Variants in AP3S1 observed in about 807,000 individuals in gnomAD.
The protein encoded by AP3S1 is adaptor related protein complex 3 subunit sigma 1.
Under a neutral mutation model 21.3 loss-of-function variants are expected in AP3S1, and 12 were observed. The observed-to-expected ratio is 0.56, with a 90% CI of 0.36 to 0.91. The LOEUF (loss-of-function observed/expected upper bound fraction) is 0.91, where lower values mean the gene tolerates loss of function less well. Ranked by LOEUF, AP3S1 falls within the 40% of genes least tolerant of loss-of-function variation. The pLI, the probability that AP3S1 is intolerant of heterozygous loss-of-function variation, is 0.01. For missense variants in AP3S1, 116 were observed against 225.0 expected, an observed-to-expected ratio of 0.52 and a Z score of 3.10; for synonymous variants, 48 against 78.4, an observed-to-expected ratio of 0.61 and a Z score of 2.05.
chr5:115,864,353 C>G (rs3984985), intron 1 of AP3S1, among the ~76,000 whole-genome samples: 4,575 of 152,256 alleles, frequency 0.03, 251 homozygotes, highest in African/African-American at 0.1. Flanking sequence ...TCCCAGAACC[C>G]CATGAGTTCA....
intron 3 of AP3S1, among the ~76,000 whole-genome samples, chr5:115,886,750 T>C (rs1038682374): frequency 1.3e-5 from 2 of 152,192 alleles, no homozygotes; most frequent in African/African-American, 2.4e-5. Context: ...CTAGCTGTTA[T>C]TATAATTAAC....
At chr5:115,874,646 A>AT (rs1415989264) in intron 3 of AP3S1, among the ~76,000 whole-genome samples, 6 of 152,282 alleles carry the variant, frequency 3.9e-5, no homozygotes, top group South Asian at 2.1e-4. Flanking sequence ...GGAGCTCCAT[A>AT]TATAATATTT....
At chr5:115,904,858 G>A (rs1346283600) in intron 5 of AP3S1, among the ~76,000 whole-genome samples, 1 of 152,136 alleles carries the variant, frequency 6.6e-6, no homozygotes, top group Non-Finnish European at 1.5e-5. Context: ...AAACAGTGAT[G>A]CAATCCTTTA....
chr5:115,887,031 A>G (rs1473791411), intron 3 of AP3S1, among the ~76,000 whole-genome samples: 2 of 152,322 alleles, frequency 1.3e-5, no homozygotes, highest in Non-Finnish European at 2.9e-5. Flanking sequence ...TGCTATTTAC[A>G]TATCTTAAAC....
At chr5:115,882,579 C>G (rs372479495) in intron 3 of AP3S1, among the ~76,000 whole-genome samples, 212 of 152,304 alleles carry the variant, frequency 1.4e-3, no homozygotes, top group African/African-American at 4.7e-3. Flanking sequence ...GAAGGTTCGT[C>G]CCAGAGGGGC....
chr5:115,857,732 C>T (rs552910459), intron 1 of AP3S1, among the ~76,000 whole-genome samples: 1 of 152,284 alleles, frequency 6.6e-6, no homozygotes, highest in South Asian at 2.1e-4. Context: ...ATTTATTCTG[C>T]TATTAAAAAT....
chr5:115,898,851 T>G (rs1305555258), intron 4 of AP3S1: 2 of 152,298 alleles, frequency 1.3e-5, no homozygotes, highest in Non-Finnish European at 2.9e-5. Context: ...GTTTCTTACT[T>G]ACACTATATG....
At chr5:115,855,628 C>G (rs558271646) in intron 1 of AP3S1, among the ~76,000 whole-genome samples, 1 of 152,222 alleles carries the variant, frequency 6.6e-6, no homozygotes, top group Non-Finnish European at 1.5e-5. Context: ...GCTTGAGCCA[C>G]TGCACCCAGT....
intron 1 of AP3S1, among the ~76,000 whole-genome samples, chr5:115,848,609 T>C (rs1762228002): frequency 6.6e-6 from 1 of 152,242 alleles, no homozygotes; most frequent in Admixed American, 6.5e-5. Context: ...AATTTTTGTT[T>C]GAAAGTCAAG....
intron 3 of AP3S1, among the ~76,000 whole-genome samples, chr5:115,886,567 C>G (rs1246173193): frequency 1.3e-5 from 2 of 152,068 alleles, no homozygotes; most frequent in Non-Finnish European, 2.9e-5. Flanking sequence ...ATACATATAA[C>G]AAAAAATGTG....
chr5:115,873,991 A>G (rs1349095959), intron 3 of AP3S1, among the ~76,000 whole-genome samples: 1 of 152,134 alleles, frequency 6.6e-6, no homozygotes, highest in African/African-American at 2.4e-5. Flanking sequence ...AGGTATGCAT[A>G]TGTTGTCCCA....
chr5:115,891,602 C>T (rs1326833450), intron 3 of AP3S1, among the ~76,000 whole-genome samples: 2 of 152,098 alleles, frequency 1.3e-5, no homozygotes, highest in East Asian at 3.9e-4. Flanking sequence ...TGGGTGGGAC[C>T]CTCATGGAGA....
intron 4 of AP3S1, among the ~76,000 whole-genome samples, chr5:115,896,479 T>C (rs1750762822): frequency 6.6e-6 from 1 of 152,200 alleles, no homozygotes; most frequent in Non-Finnish European, 1.5e-5. Flanking sequence ...GTTCACAATA[T>C]TCAAAATTAT....
Position 115,870,138 on chromosome 5 carries a change from CACTT to C in AP3S1, c.273+11_273+14del. On this transcript the variant is annotated intron_variant, in intron 3 of 5. Coordinates refer to ENST00000316788, the MANE Select transcript of AP3S1 (RefSeq NM_001284.4). Reference sequence around the variant, plus strand: ...TTTAGATCTAATTCAAGTAAGTTAACACTTGCTTCTTACTATCTTAAATAACAGT... The same window carrying C: ...TTTAGATCTAATTCAAGTAAGTTAACGCTTCTTACTATCTTAAATAACAGT... The C allele has an allele frequency of 1.3e-6, 1 of 790,964 alleles. No homozygotes were observed. 49.0% of individuals were successfully genotyped at this position (790,964 alleles called of 1,614,324 possible). A position where few individuals can be genotyped will look rare whatever the true frequency, so the allele number is the denominator to read the frequency against.
intron 1 of AP3S1, among the ~76,000 whole-genome samples, chr5:115,863,742 G>GA (rs552043398): frequency 2.0e-5 from 3 of 152,092 alleles, no homozygotes; most frequent in South Asian, 2.1e-4. Flanking sequence ...TATGATTTGA[G>GA]AAAAAATGAA....
rs116038632 is a variant in AP3S1 at position 115,885,746 on chromosome 5, C to A, written c.274-9341C>A. 5.1e-3 allele frequency among the ~76,000 whole-genome samples: 773 copies of A among 152,218 alleles called. 2 individuals are homozygous for A. Among genetic ancestry groups the A allele is most frequent in the South Asian group, 7.3e-3 (35 of 4,818 alleles). Reference sequence around the variant, plus strand: ...GTTAACAGCTAATATTAACCATCACCGTGTTGAATACTTTTGTTAATTTAT... The same window carrying A: ...GTTAACAGCTAATATTAACCATCACAGTGTTGAATACTTTTGTTAATTTAT... On this transcript the variant is annotated intron_variant, in intron 3 of 5. Coordinates refer to ENST00000316788, the MANE Select transcript of AP3S1 (RefSeq NM_001284.4).
Position 115,895,148 on chromosome 5 carries a change from A to G in AP3S1, c.335A>G (p.His112Arg). Residue 112 changes from histidine (H) to arginine (R), a missense_variant, in exon 4 of 6, where the codon CAT (histidine) becomes CGT (arginine). His to Arg is a conservative substitution (Grantham distance 29). Around this residue, in one of 3 missense-constraint regions of AP3S1, gnomAD observed 65 missense variants for 148.2 expected, o/e 0.44. Coordinates refer to ENST00000316788, the MANE Select transcript of AP3S1 (RefSeq NM_001284.4). ...GTCTGTGAGCTGGATTTGATTTTCC[A>G]TGTAGACAAGGTACTATTTGTATTG... ...ENVCELDLIF[H>R]VDKVHNILAE... 6.2e-7 allele frequency: 1 copy of G among 1,604,224 alleles called. No individual in the cohort carries two copies. Among genetic ancestry groups the G allele is most frequent in the East Asian group, 2.2e-5 (1 of 44,454 alleles).
Position 115,842,103 on chromosome 5 carries a change from C to G in AP3S1, c.66C>G (p.Pro22=), listed in dbSNP as rs768890009. 1.0e-5 allele frequency: 16 copies of G among 1,557,766 alleles called. No individual in the cohort carries two copies. In the East Asian group the frequency reaches 1.3e-4, roughly 12 times the overall value. Residue 22 remains proline (P), a synonymous_variant, in exon 1 of 6, where the codon CCC becomes CCG. Transcript: ENST00000316788. ...CGCGGCTCTCCAAGTTCTACCAGCC[C>G]TACGTGAGTATCCAGCCGCCGCTGA... is the stretch of plus-strand genomic sequence containing the variant. The part of the protein sequence containing the change: ...GKPRLSKFYQ[P]YSEDTQQQII...
At chr5:115,906,903 A>C in intron 5 of AP3S1, 1 of 1,462,896 alleles carries the variant, frequency 6.8e-7, no homozygotes, top group Middle Eastern at 1.8e-4. Flanking sequence ...ACAAAGGGAA[A>C]GCAAAATGAT....
Sources: allele counts gnomAD v4.1 joint callset (sites outside exome capture counted in the v4.1 genomes callset), GRCh38; gene constraint gnomAD v4.1.1; regional missense constraint gnomAD v4.1.1; transcripts MANE v1.5; gene names NCBI Gene and HGNC (gene_info 2026-07-23, HGNC 2026-07-21).